CADM4: variants seen among roughly 807,000 people sequenced by gnomAD.
CADM4 encodes the protein cell adhesion molecule 4.
A neutral mutation model predicts 43.9 loss-of-function variants in CADM4; 13 were observed. The observed-to-expected ratio is 0.30, with a 90% CI of 0.19 to 0.47. The LOEUF is 0.47. Ranked by LOEUF, CADM4 falls within the 20% of genes least tolerant of loss-of-function variation. CADM4 has a pLI of 1.00. For synonymous variants in CADM4, 209 were observed against 220.9 expected, an observed-to-expected ratio of 0.95 and a Z score of 0.48; for missense variants, 420 against 527.0, an observed-to-expected ratio of 0.80 and a Z score of 1.99.
chr19:43,626,886 C>T lies in CADM4; in HGVS notation c.397G>A (p.Glu133Lys). ...ACCTCGCCGCCCTCTACCGCCTGCT[C>T]CCGGACCTCCACCACAGGATTCTCT... ...APENPVVEVR[E>K]QAVEGGEVEL... Residue 133 changes from glutamate to lysine, a missense_variant, in exon 4 of 9, where the codon GAG becomes AAG. Physicochemically the swap from Glu to Lys is moderately conservative, Grantham distance 56 (BLOSUM62 1). Coordinates refer to ENST00000222374, the MANE Select transcript of CADM4 (RefSeq NM_145296.2). This position sits in a 1 kb window ranked among gnomAD's most constrained non-coding sequence, Gnocchi z 5.9. 6.2e-7 allele frequency: 1 copy of T among 1,607,328 alleles called. No homozygotes were observed. The highest frequency in any genetic ancestry group is 8.5e-7 in the Non-Finnish European group (1 of 1,177,958).
intron 1 of CADM4, among the ~76,000 whole-genome samples, chr19:43,632,480 A>T (rs1973639946): frequency 6.6e-6 from 1 of 152,172 alleles, no homozygotes. Context: ...TGCCCGTAAC[A>T]TGTAGAATAA....
Position 43,625,221 on chromosome 19 carries a change from T to C in CADM4, c.785A>G (p.Asn262Ser). The change falls in exon 7 of 9, where the codon AAT (asparagine) becomes AGT (serine). Residue 262 changes from asparagine to serine, a missense_variant. Physicochemically the swap from Asn to Ser is conservative, Grantham distance 46. Coordinates refer to ENST00000222374, the MANE Select transcript of CADM4 (RefSeq NM_145296.2). This position sits in a 1 kb window ranked among gnomAD's most constrained non-coding sequence, Gnocchi z 4.5. ...RPNQIRWNRG[N>S]ESLPERAEAV... ...CTCCGCCCTCTCCGGCAAAGACTCA[T>C]TCCCGCGGTTCCAGCGGATCTGGTT... is the stretch of plus-strand genomic sequence containing the variant. 1 of 1,614,162 alleles carries C rather than the reference T, an allele frequency of 6.2e-7. No individual in the cohort carries two copies. Among genetic ancestry groups the C allele is most frequent in the East Asian group, 2.2e-5 (1 of 44,880 alleles).
At chr19:43,624,792 C>G (rs1973494999) in intron 7 of CADM4, 1 of 446,496 alleles carries the variant, frequency 2.2e-6, no homozygotes, top group Middle Eastern at 6.2e-4. Flanking sequence ...CCCATTCCAA[C>G]CACCTTACAT....
chr19:43,623,153 C>G lies in CADM4; in HGVS notation c.*177G>C, dbSNP rs933801927. On this transcript the variant is annotated 3_prime_UTR_variant, in exon 9 of 9. Coordinates refer to ENST00000222374, the MANE Select transcript of CADM4 (RefSeq NM_145296.2). This position sits in a 1 kb window ranked among gnomAD's most constrained non-coding sequence, Gnocchi z 4.4. ...GACCTCTGGGCCCTCACTTCTGGCC[C>G]TTACAGAGATCCAGGCATCCAACAC... 1.6e-6 allele frequency: 1 copy of G among 613,364 alleles called. No homozygotes were observed. The highest frequency in any genetic ancestry group is 1.8e-5 in the African/African-American group (1 of 54,402). 38.0% of individuals were successfully genotyped at this position (613,364 alleles called of 1,614,324 possible).
intron 1 of CADM4, among the ~76,000 whole-genome samples, chr19:43,628,146 C>T (rs1973559511): frequency 6.6e-6 from 1 of 151,950 alleles, no homozygotes; most frequent in African/African-American, 2.4e-5. Context: ...AAGCAGGAGG[C>T]TGAGCGCGGT....
chr19:43,630,433 C>T (rs923789883), intron 1 of CADM4, among the ~76,000 whole-genome samples: 1 of 151,822 alleles, frequency 6.6e-6, no homozygotes, highest in Non-Finnish European at 1.5e-5. Flanking sequence ...TTATAGGCAC[C>T]TGCCACTGCA....
chr19:43,635,181 A>G (rs1050322243), intron 1 of CADM4, among the ~76,000 whole-genome samples: 3 of 151,804 alleles, frequency 2.0e-5, no homozygotes, highest in African/African-American at 7.3e-5. Flanking sequence ...CGAATACCCA[A>G]GGGAGTCTCA....
In CADM4 at chr19:43,626,691, T is replaced by A; in HGVS notation, c.499+93A>T. ...ACCACTACATATTGAATGTCCAGTG[T>A]CTGTGAAAACCTGTGGCTCCTCTCC... On this transcript the variant is annotated intron_variant, in intron 4 of 8. Transcript: ENST00000222374. The surrounding 1 kb of genome is among the most constrained non-coding windows in gnomAD (Gnocchi z 5.9). The A allele has an allele frequency of 2.1e-6, 3 of 1,440,810 alleles. No homozygotes were observed. In the East Asian group the frequency reaches 7.3e-5, roughly 35 times the overall value. The allele number at this position is 1,440,810 out of a possible 1,614,324, so 89.3% of individuals were successfully genotyped here. A position where few individuals can be genotyped will look rare whatever the true frequency, so the allele number is the denominator to read the frequency against.
Position 43,625,768 on chromosome 19 carries a change from C to T in CADM4, c.755+143G>A. On this transcript the variant is annotated intron_variant, in intron 6 of 8. Coordinates refer to ENST00000222374, the MANE Select transcript of CADM4 (RefSeq NM_145296.2). The surrounding 1 kb of genome is among the most constrained non-coding windows in gnomAD (Gnocchi z 4.5). ...CCCCAGCTCTCTCCTCCTCAGGACCCAGGAATCCAGGTCCTAGCTCCCTGT... is the reference window on the plus strand; with the variant it reads ...CCCCAGCTCTCTCCTCCTCAGGACCTAGGAATCCAGGTCCTAGCTCCCTGT... The T allele has an allele frequency of 1.5e-6, 1 of 665,006 alleles. No individual in the cohort carries two copies. Among genetic ancestry groups the T allele is most frequent in the Non-Finnish European group, 2.6e-6 (1 of 387,756 alleles). 41.2% of individuals were successfully genotyped at this position (665,006 alleles called of 1,614,324 possible).
rs533906294 is a variant in CADM4, at chr19:43,625,343, C to T, written c.756-93G>A. The stretch of plus-strand genomic sequence containing the variant: ...GAATCTAGACATGCAACTCTCATCC[C>T]GCAGGGACCTCCAAATAAGAGGCTT... On this transcript the variant is annotated intron_variant, in intron 6 of 8. Transcript: ENST00000222374. The surrounding 1 kb of genome is among the most constrained non-coding windows in gnomAD (Gnocchi z 4.5). The T allele has an allele frequency of 4.3e-4, 559 of 1,287,858 alleles. 2 individuals are homozygous for T. The highest frequency in any genetic ancestry group is 3.2e-3 in the African/African-American group (218 of 67,212). The allele number at this position is 1,287,858 out of a possible 1,614,324, so 79.8% of individuals were successfully genotyped here.
At chr19:43,628,284 A>AAAAAT (rs1973563212) in intron 1 of CADM4, among the ~76,000 whole-genome samples, 1 of 151,446 alleles carries the variant, frequency 6.6e-6, no homozygotes, top group Non-Finnish European at 1.5e-5. Context: ...AAAAAAAAAA[A>AAAAAT]ATTAGCTGGG....
At position 43,639,808 on chromosome 19, in the gene CADM4, C is replaced by G; in HGVS notation, c.-18G>C. The G allele has an allele frequency of 3.0e-6, 3 of 1,000,048 alleles. No homozygotes were observed. The highest frequency in any genetic ancestry group is 3.6e-6 in the Non-Finnish European group (3 of 843,726). The allele number at this position is 1,000,048 out of a possible 1,614,324, so 61.9% of individuals were successfully genotyped here. A position where few individuals can be genotyped will look rare whatever the true frequency, so the allele number is the denominator to read the frequency against. On this transcript the variant is annotated 5_prime_UTR_variant, in exon 1 of 9. Transcript: ENST00000222374. ...CGGCCCATGGTGCCGCCGCCGCCGC[C>G]GCCGCCGCTCGCTCCCGGCCCGGCA...
chr19:43,631,397 G>A (rs948193727), intron 1 of CADM4, among the ~76,000 whole-genome samples: 1 of 151,970 alleles, frequency 6.6e-6, no homozygotes, highest in Non-Finnish European at 1.5e-5. Context: ...TTCTGTAAGA[G>A]GGTAGGTAAC....
At chr19:43,629,221 G>A (rs1351449577) in intron 1 of CADM4, among the ~76,000 whole-genome samples, 1 of 152,190 alleles carries the variant, frequency 6.6e-6, no homozygotes, top group African/African-American at 2.4e-5. Flanking sequence ...GGAGCCTAGA[G>A]GAGGGCAGAA....
chr19:43,631,263 C>T (rs572997730), intron 1 of CADM4, among the ~76,000 whole-genome samples: 1 of 151,744 alleles, frequency 6.6e-6, no homozygotes, highest in Non-Finnish European at 1.5e-5. Context: ...ATCGCTTGAA[C>T]CTGGGAGGCA....
chr19:43,632,611 C>T (rs577676555), intron 1 of CADM4, among the ~76,000 whole-genome samples: 1 of 152,208 alleles, frequency 6.6e-6, no homozygotes, highest in South Asian at 2.1e-4. Context: ...GCTCCCACCA[C>T]AGGGCCTTTT....
Position 43,626,112 on chromosome 19 carries a change from C to T in CADM4, c.664+12G>A, listed in dbSNP as rs1248220494. The T allele has an allele frequency of 6.2e-7, 1 of 1,613,440 alleles. No homozygotes were observed. The highest frequency in any genetic ancestry group is 2.2e-5 in the East Asian group (1 of 44,850). ...TTGGGATCCCTTGGGTCCTGGCCCG[C>T]CGGTCACTTACACTGCACATCCAGC... On this transcript the variant is annotated intron_variant, in intron 5 of 8. Coordinates refer to ENST00000222374, the MANE Select transcript of CADM4 (RefSeq NM_145296.2). This position sits in a 1 kb window ranked among gnomAD's most constrained non-coding sequence, Gnocchi z 5.9.
chr19:43,624,956 CCAAAA>C (rs1418353547), intron 7 of CADM4, 117 bp downstream of exon 7: 4 of 1,149,410 alleles, frequency 3.5e-6, no homozygotes, highest in Non-Finnish European at 4.8e-6. Flanking sequence ...CAGTCTGGTC[CCAAAA>C]CAAAAAGAAC....
At chr19:43,629,770 C>A (rs563443258) in intron 1 of CADM4, among the ~76,000 whole-genome samples, 1 of 152,146 alleles carries the variant, frequency 6.6e-6, no homozygotes, top group African/African-American at 2.4e-5. Context: ...AGGCATGCAC[C>A]ACCATGCCGG....
Sources: gnomAD v4.1 joint callset for allele counts (sites outside exome capture counted in the v4.1 genomes callset) on GRCh38, gnomAD v4.1.1 for gene constraint, Gnocchi (gnomAD v3.1) non-coding constraint, MANE v1.5 for transcripts, NCBI Gene and HGNC (gene_info 2026-07-23, HGNC 2026-07-21) for gene names.